Variants in UBASH3A observed in about 807,000 individuals in gnomAD.
UBASH3A encodes the protein ubiquitin associated and SH3 domain containing A, also known as ubiquitin-associated and SH3 domain-containing protein A.
UBASH3A carries 63 observed loss-of-function variants against 73.5 expected under a neutral mutation model. The observed-to-expected ratio is 0.86, with a 90% CI of 0.70 to 1.06. UBASH3A has a LOEUF of 1.06. UBASH3A is among the 50% of genes least tolerant of loss of function. The pLI is 0.00. For missense variants in UBASH3A, 860 were observed against 859.0 expected (o/e 1.00, Z -0.02); for synonymous variants, 363 against 351.1 (o/e 1.03, Z -0.38).
chr21:42,442,125 C>T (rs907837647), intron 11 of UBASH3A, among the ~76,000 whole-genome samples: 2 of 152,206 alleles, frequency 1.3e-5, no homozygotes, highest in African/African-American at 4.8e-5. Flanking sequence ...GCTGGTTTCA[C>T]GGTGGAGCTG....
At chr21:42,410,199 G>A (rs2146497635) in intron 3 of UBASH3A, 1 of 700,814 alleles carries the variant, frequency 1.4e-6, no homozygotes, top group Non-Finnish European at 2.6e-6. Flanking sequence ...CAGCTCTACA[G>A]GGGCACCGGG....
chr21:42,422,679 A>G (rs568790425), intron 7 of UBASH3A, among the ~76,000 whole-genome samples: 1 of 152,394 alleles, frequency 6.6e-6, no homozygotes, highest in Non-Finnish European at 1.5e-5. Flanking sequence ...AAAATAATTA[A>G]AAGGGAGAAT....
chr21:42,437,399 C>G (rs984554779), intron 10 of UBASH3A, 89 bp from the exon 11 acceptor site: 3 of 1,258,400 alleles, frequency 2.4e-6, no homozygotes, highest in Non-Finnish European at 3.5e-6. Context: ...CTTTGAGGAC[C>G]CTGCCTACCA....
chr21:42,412,715 G>T (rs1196035870), intron 3 of UBASH3A, among the ~76,000 whole-genome samples: 1 of 152,182 alleles, frequency 6.6e-6, no homozygotes, highest in Non-Finnish European at 1.5e-5. Context: ...TGAGGAAAGG[G>T]CCTGGCAGGT....
chr21:42,404,118 C>T (rs1042708428), intron 1 of UBASH3A, 60 bp downstream of exon 1: 14 of 1,013,078 alleles, frequency 1.4e-5, no homozygotes, highest in South Asian at 5.6e-5. Context: ...GACCCTGCTG[C>T]GGCCCCCGGC....
rs370313130 is a variant in UBASH3A at position 42,420,842 on chromosome 21, C to T, written c.1046+2233C>T. Among the ~76,000 whole-genome samples the T allele has an allele frequency of 2.0e-5, 3 of 152,340 alleles. 1 individual carries two copies. The highest frequency in any genetic ancestry group is 1.9e-4 in the East Asian group (1 of 5,194). On this transcript the variant is annotated intron_variant, in intron 7 of 14. Coordinates refer to ENST00000319294, the MANE Select transcript of UBASH3A (RefSeq NM_018961.4). ...TAACCTTGCTTTTGATTAATTTAAG[C>T]TCAACTGATTAGGGGTTCTAGTCAC...
At position 42,405,168 on chromosome 21, in the gene UBASH3A, C is replaced by G. The variant is rs149952118; in HGVS notation, c.113+1110C>G. The stretch of plus-strand genomic sequence containing the variant: ...CCCATTTCTTCTCCCCAAATCAGGG[C>G]TTTGTCGTCACTGTTATGTTCAAGC... On this transcript the variant is annotated intron_variant, in intron 1 of 14. Transcript: ENST00000319294. Among the ~76,000 whole-genome samples, 625 of 152,260 alleles carry G rather than the reference C, an allele frequency of 4.1e-3. 8 individuals carry two copies. The highest frequency in any genetic ancestry group is 0.015 in the African/African-American group (603 of 41,562).
At chr21:42,439,482 A>C (rs1204923485) in intron 11 of UBASH3A, among the ~76,000 whole-genome samples, 3 of 152,186 alleles carry the variant, frequency 2.0e-5, no homozygotes, top group Admixed American at 6.5e-5. Flanking sequence ...GATGAAGATC[A>C]AAGAACAATA....
chr21:42,409,363 A>G, intron 2 of UBASH3A, 59 bp from the exon 3 acceptor site: 1 of 1,489,864 alleles, frequency 6.7e-7, no homozygotes, highest in Non-Finnish European at 8.9e-7. Context: ...GTGTATCCTC[A>G]AAGGGGAAAA....
intron 8 of UBASH3A, among the ~76,000 whole-genome samples, chr21:42,430,571 T>C (rs1377176790): frequency 6.6e-6 from 1 of 152,150 alleles, no homozygotes; most frequent in African/African-American, 2.4e-5. Flanking sequence ...CCAGGGGTCC[T>C]CCCTACCCCG....
chr21:42,418,437 G>A lies in UBASH3A; in HGVS notation c.874G>A (p.Val292Met), dbSNP rs552187767. The A allele has an allele frequency of 1.9e-5, 30 of 1,614,196 alleles. No individual in the cohort carries two copies. The highest frequency in any genetic ancestry group is 3.3e-5 in the Admixed American group (2 of 60,030). Residue 292 changes from valine to methionine, a missense_variant, in exon 7 of 15, where the codon GTG becomes ATG. Physicochemically the swap from Val to Met is conservative, Grantham distance 21. Coordinates refer to ENST00000319294, the MANE Select transcript of UBASH3A (RefSeq NM_018961.4). ...CCTATTCCAGTACAAACCCCAGAACGTGGATGAGCTGACGCTAAGTCCTGG... is the reference window on the plus strand; with the variant it reads ...CCTATTCCAGTACAAACCCCAGAACATGGATGAGCTGACGCTAAGTCCTGG... The part of the protein sequence containing the change: ...RALFQYKPQN[V>M]DELTLSPGDY...
At chr21:42,436,861 C>G (rs1383947142) in intron 10 of UBASH3A, among the ~76,000 whole-genome samples, 8 of 152,230 alleles carry the variant, frequency 5.3e-5, no homozygotes, top group Non-Finnish European at 1.2e-4. Context: ...ATGTGAAGCC[C>G]CGCCCATTTC....
intron 5 of UBASH3A, among the ~76,000 whole-genome samples, 178 bp from the exon 6 acceptor site, chr21:42,416,264 A>G (rs905095482): frequency 7.3e-5 from 11 of 151,542 alleles, no homozygotes; most frequent in African/African-American, 2.4e-4. Context: ...CCTCTTTCCT[A>G]CTTCCTGGAA....
At chr21:42,443,290 C>T (rs749871759) in intron 12 of UBASH3A, 22 bp from the exon 13 acceptor site, 2 of 1,604,968 alleles carry the variant, frequency 1.2e-6, no homozygotes, top group East Asian at 2.2e-5. Context: ...AGGGCAGCAG[C>T]CTCTCCTTCT....
rs74929246 is a variant in UBASH3A at position 42,418,705 on chromosome 21, T to C, written c.1046+96T>C. ...ACAGTGTGCTTCTAGACCATTCCATTATTGGTAAAATTGCATTCTGTATGC... is the reference window on the plus strand; with the variant it reads ...ACAGTGTGCTTCTAGACCATTCCATCATTGGTAAAATTGCATTCTGTATGC... On this transcript the variant is annotated intron_variant, in intron 7 of 14. Transcript: ENST00000319294. 4,561 of 1,204,838 alleles carry C rather than the reference T, an allele frequency of 3.8e-3. 127 individuals are homozygous for C. In the African/African-American group the frequency reaches 0.059, roughly 16 times the overall value. The allele number at this position is 1,204,838 out of a possible 1,614,324, so 74.6% of individuals were successfully genotyped here.
At chr21:42,432,066 A>G (rs1485613599) in intron 8 of UBASH3A, 37 bp from the exon 9 acceptor site, 1 of 1,375,008 alleles carries the variant, frequency 7.3e-7, no homozygotes, top group Admixed American at 1.8e-5. Context: ...GTTGGATGTT[A>G]AACTGCATGT....
chr21:42,425,584 A>G (rs987515866), intron 7 of UBASH3A, among the ~76,000 whole-genome samples: 1 of 152,246 alleles, frequency 6.6e-6, no homozygotes, highest in Non-Finnish European at 1.5e-5. Context: ...TGCATTTCCT[A>G]TCTAATGGCA....
chr21:42,415,060 T>C (rs2053175028), intron 5 of UBASH3A, among the ~76,000 whole-genome samples: 1 of 152,146 alleles, frequency 6.6e-6, no homozygotes, highest in South Asian at 2.1e-4. Context: ...CAGTGATGAG[T>C]GACCAGTCAC....
intron 12 of UBASH3A, 82 bp from the exon 13 acceptor site, chr21:42,443,230 C>T (rs1384231884): frequency 6.8e-7 from 1 of 1,479,298 alleles, no homozygotes; most frequent in Non-Finnish European, 9.0e-7. Context: ...AGAACGTTCT[C>T]CTTCCCCAGC....
Sources: allele counts gnomAD v4.1 joint callset (sites outside exome capture counted in the v4.1 genomes callset), GRCh38; gene constraint gnomAD v4.1.1; transcripts MANE v1.5; gene names NCBI Gene and HGNC (gene_info 2026-07-23, HGNC 2026-07-21).